The following RPS17 variants were observed in gnomAD, a reference collection of about 807,000 sequenced individuals.
RPS17 encodes small ribosomal subunit protein eS17.
For synonymous variants in RPS17, 75 were observed against 65.6 expected (o/e 1.14, Z -0.70); for missense variants, 68 against 182.3 (o/e 0.37, Z 3.61).
Position 82,538,378 on chromosome 15 carries a change from G to A in RPS17, c.262-7C>T, listed in dbSNP as rs1408691802. The A allele has an allele frequency of 1.2e-6, 2 of 1,612,016 alleles. No individual in the cohort carries two copies. Among genetic ancestry groups the A allele is most frequent in the Admixed American group, 3.3e-5 (2 of 60,010 alleles). On this transcript the variant is annotated splice_region_variant and splice_polypyrimidine_tract_variant and intron_variant, in intron 3 of 4. Coordinates refer to ENST00000647841, the MANE Select transcript of RPS17 (RefSeq NM_001021.6). ...CCTGATCCAAGGCTGAGACCTACAA[G>A]GAAACGAGGTAGGGTCAAAATACCA...
intron 4 of RPS17, 78 bp downstream of exon 4, chr15:82,538,228 G>T: frequency 6.6e-7 from 1 of 1,509,684 alleles, no homozygotes; most frequent in South Asian, 1.1e-5. Context: ...CTTACTAGCT[G>T]GGTGACCTTG....
At chr15:82,539,841 A>G in intron 2 of RPS17, 140 bp downstream of exon 2, 1 of 1,415,022 alleles carries the variant, frequency 7.1e-7, no homozygotes, top group Non-Finnish European at 1.0e-6. Context: ...CTGCACACGC[A>G]GAGCTCTAGC....
intron 2 of RPS17, 57 bp from the exon 3 acceptor site, chr15:82,539,042 G>T: frequency 6.5e-7 from 1 of 1,531,702 alleles, no homozygotes; most frequent in Non-Finnish European, 9.1e-7. Context: ...CTCCCACCTG[G>T]TACTGAGCAC....
chr15:82,536,982 G>T, intron 4 of RPS17, 101 bp from the exon 5 acceptor site: 1 of 1,418,622 alleles, frequency 7.0e-7, no homozygotes, highest in South Asian at 1.2e-5. Flanking sequence ...CTCTCAAGGG[G>T]GTCCAGAGGC....
chr15:82,539,953 C>T (rs1167749527), intron 2 of RPS17, 28 bp downstream of exon 2: 46 of 1,611,844 alleles, frequency 2.9e-5, no homozygotes, highest in Non-Finnish European at 3.8e-5. Flanking sequence ...ATCGCGGAGC[C>T]CCGGAGGCCG....
rs2034321400 is a variant in RPS17 at position 82,540,150 on chromosome 15, A to G, written c.4-18T>C. Reference sequence around the variant, plus strand: ...ACGCGGCCCTGCGGGTGGAGAGGACAGGATCACTCACGAGCCAGCGCAACC... The same window carrying G: ...ACGCGGCCCTGCGGGTGGAGAGGACGGGATCACTCACGAGCCAGCGCAACC... On this transcript the variant is annotated intron_variant, in intron 1 of 4. Transcript: ENST00000647841. 5 of 1,613,588 alleles carry G rather than the reference A, an allele frequency of 3.1e-6. No individual in the cohort carries two copies. The highest frequency in any genetic ancestry group is 3.4e-6 in the Non-Finnish European group (4 of 1,179,870).
At chr15:82,539,066 A>C in intron 2 of RPS17, 81 bp from the exon 3 acceptor site, 2 of 1,332,006 alleles carry the variant, frequency 1.5e-6, no homozygotes, top group Non-Finnish European at 2.2e-6. Context: ...TGCATATATA[A>C]ATACCCGCTT....
intron 3 of RPS17, 156 bp from the exon 4 acceptor site, chr15:82,538,527 C>T: frequency 2.4e-6 from 2 of 838,814 alleles, no homozygotes; most frequent in East Asian, 2.7e-5. Context: ...TATTACAGAC[C>T]CCGATGACCT....
chr15:82,536,903 A>T, intron 4 of RPS17, 22 bp from the exon 5 acceptor site: 1 of 1,613,870 alleles, frequency 6.2e-7, no homozygotes, highest in Non-Finnish European at 8.5e-7. Context: ...AAATGGATTC[A>T]GTGAGCAGTT....
intron 4 of RPS17, chr15:82,538,032 A>G: frequency 2.0e-6 from 1 of 511,284 alleles, no homozygotes; most frequent in East Asian, 5.1e-5. Context: ...AAAGGGGGCA[A>G]CGTAAGCCAG....
At chr15:82,539,726 A>C (rs2034310825) in intron 2 of RPS17, 2 of 633,822 alleles carry the variant, frequency 3.2e-6, no homozygotes, top group African/African-American at 3.7e-5. Context: ...AAAGTTGACA[A>C]CTAAAAGCAA....
At chr15:82,540,327 G>A in intron 1 of RPS17, 99 bp downstream of exon 1, 3 of 1,579,654 alleles carry the variant, frequency 1.9e-6, no homozygotes, top group Non-Finnish European at 2.6e-6. Flanking sequence ...AGGGCTCTGC[G>A]CCTTCCCGGC....
intron 4 of RPS17, 27 bp from the exon 5 acceptor site, chr15:82,536,908 G>C: frequency 6.2e-7 from 1 of 1,613,504 alleles, no homozygotes; most frequent in Non-Finnish European, 8.5e-7. Context: ...GATTCAGTGA[G>C]CAGTTACTGG....
chr15:82,538,772 T>C, intron 3 of RPS17, 108 bp downstream of exon 3: 2 of 1,165,828 alleles, frequency 1.7e-6, no homozygotes, highest in East Asian at 2.3e-5. Flanking sequence ...GGTTATGGAA[T>C]GTATGGATTA....
At position 82,538,321 on chromosome 15, in the gene RPS17, T is replaced by C. The variant is rs1049218128; in HGVS notation, c.312A>G (p.Glu104=). The C allele has an allele frequency of 4.1e-3, 6,650 of 1,613,404 alleles. 239 individuals are homozygous for C. In the African/African-American group the frequency reaches 0.077, roughly 19 times the overall value. Residue 104 remains glutamate (E), a synonymous_variant, in exon 4 of 5, where the codon GAA becomes GAG. Transcript: ENST00000647841. ...EIIEVDPDTK[E]MLKLLDFGSL... ...AAACACTTACCAAAAGCTTCAGCAT[T>C]TCCTTAGTGTCAGGATCTACTTCAA...
intron 4 of RPS17, chr15:82,537,429 T>C: frequency 3.7e-6 from 1 of 268,548 alleles, no homozygotes; most frequent in South Asian, 4.2e-5. Context: ...GAGCTATTAC[T>C]AATCTAATCA....
At chr15:82,539,917 C>G (rs2034314784) in intron 2 of RPS17, 64 bp downstream of exon 2, 2 of 1,611,504 alleles carry the variant, frequency 1.2e-6, no homozygotes. Context: ...CTTCCCGAGT[C>G]GGAGGGCGGC....
intron 4 of RPS17, 73 bp downstream of exon 4, chr15:82,538,215 CCACTTACTAGCTGGGTGA>C (rs1390257316): frequency 7.1e-7 from 1 of 1,408,984 alleles, no homozygotes; most frequent in Non-Finnish European, 1.0e-6. Context: ...CCCAACTCTG[CCACTTACTAGCTGGGTGA>C]CCTTGGATAA....
chr15:82,537,578 C>G (rs1267227027), intron 4 of RPS17: 1 of 337,948 alleles, frequency 3.0e-6, no homozygotes, highest in Non-Finnish European at 5.7e-6. Flanking sequence ...ACTCCATGTC[C>G]TATTTGGTCC....
Sources: gnomAD v4.1 joint callset for allele counts on GRCh38, gnomAD v4.1.1 for gene constraint, MANE v1.5 for transcripts, NCBI Gene and HGNC (gene_info 2026-07-23, HGNC 2026-07-21) for gene names.